WDR90: variants seen among roughly 807,000 people sequenced by gnomAD.
WDR90 encodes WD repeat domain 90.
WDR90 carries 238 observed loss-of-function variants against 195.2 expected under a neutral mutation model. The observed-to-expected ratio is 1.22, with a 90% confidence interval of 1.10 to 1.36. The LOEUF (loss-of-function observed/expected upper bound fraction) is 1.36, where lower values mean the gene tolerates loss of function less well. WDR90 is among the 40% of genes most tolerant of loss of function. The pLI is 0.00. For synonymous variants in WDR90, 1,265 were observed against 1,052.4 expected (o/e 1.20, Z -3.91); for missense variants, 2,734 against 2,439.5 (o/e 1.12, Z -2.54).
In WDR90 at chr16:651,199, G is replaced by T; in HGVS notation, c.669G>T (p.Arg223=). Residue 223 remains arginine (R), a splice_region_variant and synonymous_variant, in exon 7 of 41, where the codon CGG becomes CGT. Transcript: ENST00000293879. ...ESWHDRYIHV[R]FPSESLKVPS... is the part of the protein sequence containing the mutation. The stretch of plus-strand genomic sequence containing the variant: ...ACTGACTCTCCCTCTGCCTGCCAAG[G>T]TTTCCAAGTGAGAGCTTGAAAGTGC... 2 of 1,613,224 alleles carry T rather than the reference G, an allele frequency of 1.2e-6. No individual in the cohort carries two copies. The highest frequency in any genetic ancestry group is 1.7e-6 in the Non-Finnish European group (2 of 1,179,996).
At chr16:667,059 C>T in intron 40 of WDR90, 70 bp downstream of exon 40, 1 of 1,464,372 alleles carries the variant, frequency 6.8e-7, no homozygotes, top group Non-Finnish European at 9.4e-7. Flanking sequence ...GTGCCCTGTT[C>T]CAAGACAGGT....
Position 650,096 on chromosome 16 carries a change from C to T in WDR90, c.208C>T (p.Arg70Ter), listed in dbSNP as rs768008908. ...SSTQSLGLTG[R>*]YLYVLFRPLP... ...CACCCAGTCTCTGGGGCTGACGGGA[C>T]GATACCTGTATGTGCTCTTTCGGCC... The change falls in exon 3 of 41, where the codon CGA becomes TGA. Residue 70 changes from arginine (R) to a stop codon, truncating the protein, a stop_gained. Coordinates refer to ENST00000293879, the MANE Select transcript of WDR90 (RefSeq NM_145294.5). LOFTEE classifies it high-confidence loss of function. 5.6e-6 allele frequency: 9 copies of T among 1,613,106 alleles called. No individual in the cohort carries two copies. The highest frequency in any genetic ancestry group is 1.6e-4 in the Middle Eastern group (1 of 6,062).
Position 652,484 on chromosome 16 carries a change from A to G in WDR90, c.1071A>G (p.Pro357=), listed in dbSNP as rs760378167. Residue 357 remains proline (P), a synonymous_variant, in exon 10 of 41, where the codon CCA becomes CCG. Transcript: ENST00000293879. The part of the protein sequence containing the change: ...TGSCEGFLPD[P]VLRLKGVIGF... Reference sequence around the variant, plus strand: ...TGTTTCAGGGCTTCCTCCCAGACCCAGTCCTGAGGCTCAAGGGCGTCATCG... The same window carrying G: ...TGTTTCAGGGCTTCCTCCCAGACCCGGTCCTGAGGCTCAAGGGCGTCATCG... 6 of 1,609,892 alleles carry G rather than the reference A, an allele frequency of 3.7e-6. No individual in the cohort carries two copies. Among genetic ancestry groups the G allele is most frequent in the Admixed American group, 1.7e-5 (1 of 59,588 alleles).
chr16:651,267 G>T lies in WDR90; in HGVS notation c.736+1G>T, dbSNP rs1257505466. The T allele has an allele frequency of 3.1e-6, 5 of 1,612,978 alleles. No homozygotes were observed. The highest frequency in any genetic ancestry group is 1.3e-5 in the African/African-American group (1 of 74,934). ...AAGAGCTGTTCCCCTCCTGAGGCAG[G>T]TGGGTCTGGGGGGTCAGCGGGGACC... On this transcript the variant is annotated splice_donor_variant, in intron 7 of 40. Coordinates refer to ENST00000293879, the MANE Select transcript of WDR90 (RefSeq NM_145294.5). LOFTEE classifies it high-confidence loss of function.
intron 9 of WDR90, 150 bp from the exon 10 acceptor site, chr16:652,317 C>A: frequency 1.0e-6 from 1 of 980,856 alleles, no homozygotes; most frequent in Non-Finnish European, 1.5e-6. Flanking sequence ...CCAGCTTCCA[C>A]CTTACCACAG....
chr16:661,267 G>C (rs2037907178), intron 29 of WDR90, 75 bp from the exon 30 acceptor site: 3 of 1,531,638 alleles, frequency 2.0e-6, no homozygotes, highest in Non-Finnish European at 2.6e-6. Context: ...ACCAAAGACG[G>C]AGCAGACGGC....
rs2037812136 is a variant in WDR90, at chr16:658,554, C to T, written c.2796C>T (p.Pro932=). The change falls in exon 23 of 41, where the codon CCC becomes CCT. Residue 932 remains proline (P), a synonymous_variant. Coordinates refer to ENST00000293879, the MANE Select transcript of WDR90 (RefSeq NM_145294.5). ...CCGGTGTCCACCCTGAGCCCTGCCCCTCCTTGACGCTCAGTGAGGACGCCC... is the reference window on the plus strand; with the variant it reads ...CCGGTGTCCACCCTGAGCCCTGCCCTTCCTTGACGCTCAGTGAGGACGCCC... ...ELPGVHPEPC[P]SLTLSEDARF... is the part of the protein sequence containing the mutation. 4 of 1,612,668 alleles carry T rather than the reference C, an allele frequency of 2.5e-6. No homozygotes were observed. The highest frequency in any genetic ancestry group is 2.2e-5 in the East Asian group (1 of 44,882).
At position 657,251 on chromosome 16, in the gene WDR90, C is replaced by G. The variant is rs573593753; in HGVS notation, c.2473+30C>G. On this transcript the variant is annotated intron_variant, in intron 20 of 40. Transcript: ENST00000293879. The stretch of plus-strand genomic sequence containing the variant: ...GGCCCCCTGCAGCCACTCTGGGGGA[C>G]TCCTCAGGGCGGGGGAGGCCTGGAT... 85 of 1,516,038 alleles carry G rather than the reference C, an allele frequency of 5.6e-5. 2 individuals carry two copies. The African/African-American group carries it at 6.3e-4, about 11-fold the overall frequency. 93.9% of individuals were successfully genotyped at this position (1,516,038 alleles called of 1,614,324 possible). A position where few individuals can be genotyped will look rare whatever the true frequency, so the allele number is the denominator to read the frequency against.
At position 664,705 on chromosome 16, in the gene WDR90, C is replaced by T. The variant is rs1173652347; in HGVS notation, c.4312-974C>T. 1.2e-4 allele frequency among the ~76,000 whole-genome samples: 18 copies of T among 148,130 alleles called. No individual in the cohort carries two copies. The South Asian group carries it at 1.7e-3, about 14-fold the overall frequency. On this transcript the variant is annotated intron_variant, in intron 34 of 40. Coordinates refer to ENST00000293879, the MANE Select transcript of WDR90 (RefSeq NM_145294.5). ...CTGAATTTTTTTTTTTTTTTTGAGA[C>T]GGAGTTTCTTGTCGCCCAGGCTGGA...
chr16:665,982 C>A lies in WDR90; in HGVS notation c.4467C>A (p.Cys1489Ter). Residue 1489 changes from cysteine (C) to a stop codon, truncating the protein, a stop_gained, in exon 36 of 41, where the codon TGC becomes TGA. Transcript: ENST00000293879. LOFTEE classifies it high-confidence loss of function. ...SCLCLAWSPP[C>*]CGRPEQQRLA... ...TCTGCCTGGCATGGAGCCCCCCGTGCTGTGGCCGCCCTGAGCAGCAGCGGC... is the reference window on the plus strand; with the variant it reads ...TCTGCCTGGCATGGAGCCCCCCGTGATGTGGCCGCCCTGAGCAGCAGCGGC... The A allele has an allele frequency of 6.2e-7, 1 of 1,601,778 alleles. No individual in the cohort carries two copies. Among genetic ancestry groups the A allele is most frequent in the Non-Finnish European group, 8.5e-7 (1 of 1,178,370 alleles).
At chr16:664,261 C>G (rs1407381658) in intron 34 of WDR90, among the ~76,000 whole-genome samples, 2 of 152,166 alleles carry the variant, frequency 1.3e-5, no homozygotes, top group South Asian at 4.1e-4. Context: ...CCCTGGCGAC[C>G]GTTGAGTGGC....
At position 657,870 on chromosome 16, in the gene WDR90, T is replaced by C. The variant is rs368228364; in HGVS notation, c.2582T>C (p.Met861Thr). 7.7e-5 allele frequency: 122 copies of C among 1,586,620 alleles called. No homozygotes were observed. Among genetic ancestry groups the C allele is most frequent in the Non-Finnish European group, 9.6e-5 (112 of 1,166,772 alleles). Residue 861 changes from methionine to threonine, a missense_variant, in exon 21 of 41, where the codon ATG becomes ACG. By Grantham distance (81) the Met-to-Thr change is moderately conservative. Transcript: ENST00000293879. ...CCCTCCAGGTGCACAGTGACAGTCA[T>C]GGGCTCGGCCTCCCTTGATGAGGTG... ...VGPSRCTVTVMGSASLDELLR... is the reference protein window; with the variant it reads ...VGPSRCTVTVTGSASLDELLR...
At chr16:654,144 G>A (rs1382874145) in intron 13 of WDR90, 4 of 381,912 alleles carry the variant, frequency 1.0e-5, no homozygotes, top group African/African-American at 4.1e-5. Flanking sequence ...GGGCATCAAT[G>A]GCACCTCCAC....
chr16:663,023 C>T (rs1036930613), intron 34 of WDR90, 179 bp downstream of exon 34: 6 of 954,654 alleles, frequency 6.3e-6, no homozygotes, highest in East Asian at 2.6e-5. Context: ...AAAGCCGTCC[C>T]GGTTGTGTCT....
At chr16:657,468 G>A (rs912287203) in intron 20 of WDR90, 2 of 730,414 alleles carry the variant, frequency 2.7e-6, no homozygotes, top group African/African-American at 3.6e-5. Flanking sequence ...CAAGCTCCAG[G>A]TCAGCAGCTG....
At chr16:650,896 C>T (rs531994092) in intron 5 of WDR90, 99 bp from the exon 6 acceptor site, 17,150 of 1,497,706 alleles carry the variant, frequency 0.011, 131 homozygotes, top group Non-Finnish European at 0.014. Flanking sequence ...TGGGGTGGGG[C>T]GGTGGCTGGG....
chr16:666,729 C>T lies in WDR90; in HGVS notation c.4941C>T (p.Leu1647=), dbSNP rs376345940. ...LAAFCPWDGA[L]LMYVGPGVYK... ...CCTTCTGCCCTTGGGATGGGGCGCT[C>T]CTGATGTACGTGGGCCCCGGTGTTT... is the stretch of plus-strand genomic sequence containing the variant. Residue 1647 remains leucine (L), a synonymous_variant, in exon 39 of 41, where the codon CTC becomes CTT. Coordinates refer to ENST00000293879, the MANE Select transcript of WDR90 (RefSeq NM_145294.5). 7 of 1,612,832 alleles carry T rather than the reference C, an allele frequency of 4.3e-6. No homozygotes were observed. In the South Asian group the frequency reaches 5.5e-5, roughly 13 times the overall value.
rs753221584 is a variant in WDR90, at chr16:666,317, C to A, written c.4707C>A (p.Ala1569=). The A allele has an allele frequency of 6.2e-7, 1 of 1,612,708 alleles. No individual in the cohort carries two copies. The highest frequency in any genetic ancestry group is 1.1e-5 in the South Asian group (1 of 91,084). ...TFRVLSDHQG[A]PISTICVTCK... is the part of the protein sequence containing the mutation. ...GTGTGCTGAGTGACCACCAGGGCGC[C>A]CCAATCTCTACCATCTGTGTCACGT... The change falls in exon 37 of 41, where the codon GCC becomes GCA. Residue 1569 remains alanine (A), a synonymous_variant. Transcript: ENST00000293879.
intron 1 of WDR90, 87 bp from the exon 2 acceptor site, chr16:649,676 G>A: frequency 1.5e-6 from 2 of 1,345,502 alleles, no homozygotes; most frequent in Non-Finnish European, 9.8e-7. Context: ...CCCGGCTCCT[G>A]CCTGGTCCCC....
Sources: gnomAD v4.1 joint callset for allele counts (sites outside exome capture counted in the v4.1 genomes callset) on GRCh38, gnomAD v4.1.1 for gene constraint, MANE v1.5 for transcripts, NCBI Gene and HGNC (gene_info 2026-07-23, HGNC 2026-07-21) for gene names.